The following EYA2 variants were observed in gnomAD, a reference collection of about 807,000 sequenced individuals.
The protein encoded by EYA2 is EYA transcriptional coactivator and phosphatase 2, also known as protein phosphatase EYA2.
A neutral mutation model predicts 69.2 loss-of-function variants in EYA2; 31 were observed. The ratio of observed to expected loss-of-function variants is 0.45; its 90% CI spans 0.34 to 0.60. The LOEUF is 0.60. EYA2 is among the 20% of genes least tolerant of loss of function. The pLI, the probability that EYA2 is intolerant of heterozygous loss-of-function variation, is 0.02. For missense variants in EYA2, 622 were observed against 701.2 expected, an observed-to-expected ratio of 0.89 and a Z score of 1.28; for synonymous variants, 257 against 279.4, an observed-to-expected ratio of 0.92 and a Z score of 0.80.
intron 2 of EYA2, among the ~76,000 whole-genome samples, chr20:47,000,653 G>A (rs1465129983): frequency 6.6e-6 from 1 of 152,084 alleles, no homozygotes; most frequent in Admixed American, 6.5e-5. Context: ...CCGGGCAAAC[G>A]TCTCTCCCAG....
At chr20:46,999,876 G>A (rs1206799) in intron 2 of EYA2, among the ~76,000 whole-genome samples, 9 of 152,268 alleles carry the variant, frequency 5.9e-5, no homozygotes, top group African/African-American at 1.7e-4. Context: ...ATGGCATCGC[G>A]TGCTCAGAGC....
At chr20:47,145,787 G>A (rs1318231309) in intron 10 of EYA2, among the ~76,000 whole-genome samples, 1 of 151,920 alleles carries the variant, frequency 6.6e-6, no homozygotes, top group Non-Finnish European at 1.5e-5. Flanking sequence ...TGTAATCCCA[G>A]CTACTCAGGA....
intron 9 of EYA2, among the ~76,000 whole-genome samples, chr20:47,129,311 A>C (rs926350403): frequency 1.3e-5 from 2 of 152,178 alleles, no homozygotes; most frequent in African/African-American, 4.8e-5. Context: ...GAGTAATGGG[A>C]TGTGGAGTGA....
chr20:46,936,945 G>A (rs1219268598), intron 1 of EYA2, among the ~76,000 whole-genome samples: 2 of 152,168 alleles, frequency 1.3e-5, no homozygotes, highest in African/African-American at 4.8e-5. Flanking sequence ...GTGATGCCTG[G>A]AAAGCAGTTT....
At chr20:46,938,208 T>C (rs1986003877) in intron 1 of EYA2, among the ~76,000 whole-genome samples, 1 of 152,180 alleles carries the variant, frequency 6.6e-6, no homozygotes, top group Non-Finnish European at 1.5e-5. Flanking sequence ...GTGAACATCA[T>C]ATATTTGTGC....
chr20:47,062,173 T>C (rs368424142), intron 5 of EYA2, among the ~76,000 whole-genome samples: 30 of 152,300 alleles, frequency 2.0e-4, no homozygotes, highest in African/African-American at 6.5e-4. Context: ...GGACGTCCAA[T>C]TGTCCACCTC....
At chr20:47,038,070 T>C (rs1984820358) in intron 5 of EYA2, among the ~76,000 whole-genome samples, 1 of 152,360 alleles carries the variant, frequency 6.6e-6, no homozygotes, top group Admixed American at 6.5e-5. Context: ...GAGAGGTAGA[T>C]GTATATATAT....
At chr20:46,950,705 G>A (rs1031463440) in intron 1 of EYA2, among the ~76,000 whole-genome samples, 1 of 152,216 alleles carries the variant, frequency 6.6e-6, no homozygotes, top group Non-Finnish European at 1.5e-5. Context: ...TTGGCTTGCT[G>A]CACAGCTTTA....
intron 5 of EYA2, among the ~76,000 whole-genome samples, chr20:47,054,699 A>G (rs527646437): frequency 3.3e-5 from 5 of 152,072 alleles, no homozygotes; most frequent in Non-Finnish European, 5.9e-5. Flanking sequence ...GCTCTGCCCC[A>G]CGTCCCTCAG....
chr20:46,978,556 C>T, intron 1 of EYA2: 1 of 534,666 alleles, frequency 1.9e-6, no homozygotes, highest in Admixed American at 1.9e-5. Flanking sequence ...CAAGGAGAAG[C>T]CAGATCAAGG....
At chr20:46,917,924 C>G (rs1198928428) in intron 1 of EYA2, among the ~76,000 whole-genome samples, 4 of 152,192 alleles carry the variant, frequency 2.6e-5, no homozygotes, top group African/African-American at 9.6e-5. Context: ...ATGAAGTTTG[C>G]TGCATTGATG....
intron 9 of EYA2, among the ~76,000 whole-genome samples, chr20:47,099,996 C>G (rs2032378381): frequency 2.1e-5 from 2 of 95,140 alleles, no homozygotes; most frequent in Admixed American, 2.6e-4. Flanking sequence ...TGCACGAGGA[C>G]AGGGACCTTT....
At chr20:47,122,285 CT>C (rs1233768487) in intron 9 of EYA2, among the ~76,000 whole-genome samples, 2 of 132,462 alleles carry the variant, frequency 1.5e-5, no homozygotes, top group African/African-American at 5.9e-5. Context: ...TAGTTATTTT[CT>C]TGGTTTTTTT....
chr20:47,180,205 G>T (rs1304437747), intron 13 of EYA2, among the ~76,000 whole-genome samples: 7 of 94,204 alleles, frequency 7.4e-5, no homozygotes, highest in Admixed American at 5.2e-4. Flanking sequence ...GCTAATTTTT[G>T]TATTTAGTAG....
At chr20:47,063,119 G>A (rs1042638604) in intron 5 of EYA2, among the ~76,000 whole-genome samples, 6 of 152,258 alleles carry the variant, frequency 3.9e-5, no homozygotes, top group East Asian at 1.9e-4. Context: ...ACTCTGTGGC[G>A]TTTAGTGCGT....
rs138718435 is a variant in EYA2 at position 47,126,335 on chromosome 20, C to A, written c.889-16724C>A. ...CGCTAGTAGTGCTTGCCGCAAGCCG[C>A]CCATGCATCCCAAGTGCTTTCCACC... On this transcript the variant is annotated intron_variant, in intron 9 of 15. Coordinates refer to ENST00000327619, the MANE Select transcript of EYA2 (RefSeq NM_005244.5). 8.6e-3 allele frequency among the ~76,000 whole-genome samples: 1,305 copies of A among 152,324 alleles called. 8 individuals are homozygous for A. The highest frequency in any genetic ancestry group is 0.013 in the Non-Finnish European group (870 of 68,032).
chr20:47,179,959 A>G (rs2034506496), intron 13 of EYA2, 47 bp downstream of exon 13: 2 of 1,399,786 alleles, frequency 1.4e-6, no homozygotes, highest in African/African-American at 1.4e-5. Context: ...ACTTTCTCGC[A>G]GTAGACAGTG....
At chr20:46,987,958 C>CTATATATATATA in intron 1 of EYA2, among the ~76,000 whole-genome samples, 1 of 33,776 alleles carries the variant, frequency 3.0e-5, no homozygotes, top group Non-Finnish European at 5.9e-5. Flanking sequence ...CTCTCTCTCT[C>CTATATATATATA]TCTCTCTATA....
At chr20:46,984,174 G>C (rs1981024870) in intron 1 of EYA2, among the ~76,000 whole-genome samples, 1 of 152,052 alleles carries the variant, frequency 6.6e-6, no homozygotes, top group South Asian at 2.1e-4. Context: ...TTAACATGTA[G>C]ACAAATTTTA....
Sources: allele counts gnomAD v4.1 joint callset (sites outside exome capture counted in the v4.1 genomes callset), GRCh38; gene constraint gnomAD v4.1.1; transcripts MANE v1.5; gene names NCBI Gene and HGNC (gene_info 2026-07-23, HGNC 2026-07-21).